Variants in KANK1 observed in about 807,000 individuals in gnomAD.
The protein encoded by KANK1 is KN motif and ankyrin repeat domains 1, also known as KN motif and ankyrin repeat domain-containing protein 1.
KANK1 carries 109 observed loss-of-function variants against 106.2 expected under a neutral mutation model. The ratio of observed to expected loss-of-function variants is 1.03; its 90% CI spans 0.88 to 1.20. KANK1 has a LOEUF of 1.20. Ranked by LOEUF, KANK1 falls within the 50% of genes most tolerant of loss-of-function variation. The pLI, the probability that KANK1 is intolerant of heterozygous loss-of-function variation, is 0.00. For missense variants in KANK1, 2,399 were observed against 1,710.7 expected (o/e 1.40, Z -7.10); for synonymous variants, 873 against 652.2 (o/e 1.34, Z -5.16).
chr9:591,908 C>G (rs1824989169), intron 1 of KANK1, among the ~76,000 whole-genome samples: 1 of 151,714 alleles, frequency 6.6e-6, no homozygotes, highest in African/African-American at 2.4e-5. Context: ...ATCCACCCAC[C>G]TCAGCCTCTG....
intron 1 of KANK1, among the ~76,000 whole-genome samples, chr9:635,425 C>G (rs913986250): frequency 9.9e-5 from 15 of 152,140 alleles, no homozygotes; most frequent in African/African-American, 3.6e-4. Context: ...CCTTCATGTG[C>G]TTCGTAGAGA....
chr9:671,990 C>G (rs979594943), intron 1 of KANK1, among the ~76,000 whole-genome samples: 3 of 152,122 alleles, frequency 2.0e-5, no homozygotes, highest in African/African-American at 7.2e-5. Flanking sequence ...ATGCAGCTTT[C>G]TTATCTAAAA....
chr9:636,176 G>C (rs114999551), intron 1 of KANK1, among the ~76,000 whole-genome samples: 3,670 of 152,226 alleles, frequency 0.024, 165 homozygotes, highest in African/African-American at 0.084. Context: ...AGGGCCTAGG[G>C]TGTTTTTGTA....
intron 1 of KANK1, among the ~76,000 whole-genome samples, chr9:518,755 G>A (rs10815156): frequency 0.54 from 81,795 of 150,994 alleles, 22,993 homozygotes; most frequent in African/African-American, 0.61. Flanking sequence ...CGGTGACCCT[G>A]TATGACATAC....
chr9:706,736 A>G (rs1824302378), intron 2 of KANK1: 2 of 972,206 alleles, frequency 2.1e-6, no homozygotes, highest in African/African-American at 3.5e-5. Flanking sequence ...AGGGCTGAGA[A>G]GAGTCAGGCA....
chr9:597,611 A>T (rs1405542021), intron 1 of KANK1, among the ~76,000 whole-genome samples: 1 of 151,554 alleles, frequency 6.6e-6, no homozygotes, highest in African/African-American at 2.4e-5. Context: ...CCCTTAATAG[A>T]TATGTGATTT....
chr9:642,052 A>G (rs988652288), intron 1 of KANK1, among the ~76,000 whole-genome samples: 2 of 152,178 alleles, frequency 1.3e-5, no homozygotes, highest in African/African-American at 2.4e-5. Context: ...CCATGGGTAT[A>G]TTAAATACTG....
At chr9:743,008 A>G in intron 10 of KANK1, among the ~76,000 whole-genome samples, 1 of 152,172 alleles carries the variant, frequency 6.6e-6, no homozygotes, top group East Asian at 1.9e-4. Context: ...ATTTCCAGAT[A>G]ACTCCTTGAC....
chr9:608,822 A>G (rs557554220), intron 1 of KANK1, among the ~76,000 whole-genome samples: 3 of 152,292 alleles, frequency 2.0e-5, no homozygotes, highest in South Asian at 4.1e-4. Flanking sequence ...GAGTGTTTCC[A>G]AGGGAGGTGA....
intron 1 of KANK1, among the ~76,000 whole-genome samples, chr9:556,278 A>G (rs1429065222): frequency 2.0e-5 from 3 of 152,200 alleles, no homozygotes; most frequent in Admixed American, 6.5e-5. Context: ...TGCATTGCTT[A>G]TATAAAACTT....
At chr9:629,650 C>T (rs1563890875) in intron 1 of KANK1, among the ~76,000 whole-genome samples, 1 of 152,142 alleles carries the variant, frequency 6.6e-6, no homozygotes, top group Non-Finnish European at 1.5e-5. Flanking sequence ...CCTGATTCTC[C>T]CTTCTCCCAG....
intron 1 of KANK1, among the ~76,000 whole-genome samples, chr9:580,966 C>T (rs1439173985): frequency 6.6e-6 from 1 of 152,216 alleles, no homozygotes; most frequent in South Asian, 2.1e-4. Context: ...CGCTGGCAGG[C>T]TGACACTGCT....
At chr9:557,631 A>G (rs1299363263) in intron 1 of KANK1, among the ~76,000 whole-genome samples, 2 of 152,228 alleles carry the variant, frequency 1.3e-5, no homozygotes, top group South Asian at 2.1e-4. Flanking sequence ...ATAGTAATGT[A>G]GAAGACAGAT....
intron 1 of KANK1, among the ~76,000 whole-genome samples, chr9:583,636 A>G (rs1023739040): frequency 6.6e-6 from 1 of 151,472 alleles, no homozygotes; most frequent in Admixed American, 6.6e-5. Context: ...GTTTCAATAA[A>G]TATACTGTTT....
chr9:470,845 C>T (rs2058006444), intron 2 of KANK1: 1 of 152,256 alleles, frequency 6.6e-6, no homozygotes, highest in South Asian at 2.1e-4. Flanking sequence ...GTGGGACTGT[C>T]TTCCCCCACT....
At chr9:725,956 T>A (rs59358367) in intron 3 of KANK1, among the ~76,000 whole-genome samples, 2 of 152,132 alleles carry the variant, frequency 1.3e-5, no homozygotes, top group African/African-American at 2.4e-5. Flanking sequence ...TAAAGTATAA[T>A]TTAGGAAATA....
At chr9:720,863 C>T (rs541070051) in intron 3 of KANK1, among the ~76,000 whole-genome samples, 1 of 152,302 alleles carries the variant, frequency 6.6e-6, no homozygotes, top group South Asian at 2.1e-4. Context: ...TGAACATCTA[C>T]CATTAGTGGC....
chr9:519,896 A>G (rs2059467606), intron 1 of KANK1, among the ~76,000 whole-genome samples: 1 of 151,842 alleles, frequency 6.6e-6, no homozygotes, highest in Non-Finnish European at 1.5e-5. Flanking sequence ...ATTCCATTCC[A>G]TTGATCATTA....
Position 705,387 on chromosome 9 carries a change from G to A in KANK1, c.38-5417G>A, listed in dbSNP as rs546930897. Among the ~76,000 whole-genome samples, 148 of 152,242 alleles carry A rather than the reference G, an allele frequency of 9.7e-4. 2 individuals are homozygous for A. The South Asian group carries it at 1.0e-2, about 10-fold the overall frequency. On this transcript the variant is annotated intron_variant, in intron 2 of 11. Coordinates refer to ENST00000382297, the MANE Select transcript of KANK1 (RefSeq NM_015158.5). ...TGTAATCCCAGCTCCTCGGGAGGACGAGGCAGGAGAATCCCTTGAACCAGG... is the reference window on the plus strand; with the variant it reads ...TGTAATCCCAGCTCCTCGGGAGGACAAGGCAGGAGAATCCCTTGAACCAGG...
Sources: gnomAD v4.1 joint callset for allele counts (sites outside exome capture counted in the v4.1 genomes callset) on GRCh38, gnomAD v4.1.1 for gene constraint, MANE v1.5 for transcripts, NCBI Gene and HGNC (gene_info 2026-07-23, HGNC 2026-07-21) for gene names.